Variants in FAM163A observed in about 807,000 individuals in gnomAD.
FAM163A encodes the protein protein FAM163A.
A neutral mutation model predicts 12.0 loss-of-function variants in FAM163A; 7 were observed. That is an observed-to-expected ratio of 0.58 (90% CI 0.33 to 1.10). The LOEUF (loss-of-function observed/expected upper bound fraction) is 1.10. Among genes scored for constraint, FAM163A ranks in the 50% least tolerant of loss-of-function variants. The pLI, the probability that FAM163A is intolerant of heterozygous loss-of-function variation, is 0.03. For synonymous variants in FAM163A, 101 were observed against 91.0 expected, an observed-to-expected ratio of 1.11 and a Z score of -0.62; for missense variants, 202 against 218.6, an observed-to-expected ratio of 0.92 and a Z score of 0.48.
chr1:179,789,475 C>T (rs902706654), intron 1 of FAM163A, among the ~76,000 whole-genome samples: 1 of 152,256 alleles, frequency 6.6e-6, no homozygotes, highest in African/African-American at 2.4e-5. Flanking sequence ...AGCCACCGCC[C>T]CCGGCAGGGA....
intron 1 of FAM163A, among the ~76,000 whole-genome samples, chr1:179,765,668 G>A (rs1687387126): frequency 6.7e-6 from 1 of 149,420 alleles, no homozygotes; most frequent in Non-Finnish European, 1.5e-5. Flanking sequence ...AAGGAATTGA[G>A]CTTTGGGAAT....
chr1:179,760,401 G>A (rs551632617), intron 1 of FAM163A, among the ~76,000 whole-genome samples: 10 of 152,184 alleles, frequency 6.6e-5, no homozygotes, highest in Non-Finnish European at 1.3e-4. Flanking sequence ...GATTCTATAC[G>A]CATGAGGTGT....
intron 1 of FAM163A, among the ~76,000 whole-genome samples, chr1:179,749,124 G>A (rs140658490): frequency 2.3e-3 from 355 of 152,284 alleles, no homozygotes; most frequent in Admixed American, 3.5e-3. Flanking sequence ...ATGAGGATTC[G>A]AGTTCTGCCT....
At chr1:179,810,996 T>C (rs971079192) in intron 2 of FAM163A, among the ~76,000 whole-genome samples, 7 of 152,002 alleles carry the variant, frequency 4.6e-5, no homozygotes, top group African/African-American at 1.7e-4. Context: ...TGAGCCAAGA[T>C]TGTGCCACTG....
chr1:179,793,420 C>G (rs1691807991), intron 1 of FAM163A, among the ~76,000 whole-genome samples: 1 of 152,214 alleles, frequency 6.6e-6, no homozygotes, highest in Non-Finnish European at 1.5e-5. Context: ...CATCTATCTA[C>G]CTAGTGACAT....
intron 1 of FAM163A, among the ~76,000 whole-genome samples, chr1:179,752,358 A>T (rs1284562104): frequency 1.3e-5 from 2 of 152,108 alleles, no homozygotes; most frequent in Non-Finnish European, 2.9e-5. Flanking sequence ...AGAAGAAAAC[A>T]TAGGGGAAAG....
At chr1:179,813,338 T>G in intron 4 of FAM163A, 148 bp downstream of exon 4, 1 of 800,890 alleles carries the variant, frequency 1.2e-6, no homozygotes, top group South Asian at 1.7e-5. Flanking sequence ...AGGATGGGAG[T>G]TGGGGCTGGT....
At chr1:179,736,209 A>G in the FAM163A span, among the ~76,000 whole-genome samples, 47,252 of 152,032 alleles carry the variant, frequency 0.31, 7,549 homozygotes, top group South Asian at 0.42. Flanking sequence ...AAGCTTCTAC[A>G]CAGCGAAGAA....
intron 4 of FAM163A, 81 bp downstream of exon 4, chr1:179,813,271 C>A: frequency 1.5e-6 from 2 of 1,330,998 alleles, no homozygotes; most frequent in Non-Finnish European, 2.1e-6. Context: ...AAACTGGAGG[C>A]CGACTTCAGG....
At chr1:179,755,589 A>G (rs1403147521) in intron 1 of FAM163A, among the ~76,000 whole-genome samples, 2 of 152,212 alleles carry the variant, frequency 1.3e-5, no homozygotes, top group Non-Finnish European at 2.9e-5. Context: ...CACAGGCCTC[A>G]AAGGAATGAG....
At chr1:179,763,533 A>G (rs1418399001) in intron 1 of FAM163A, among the ~76,000 whole-genome samples, 2 of 152,230 alleles carry the variant, frequency 1.3e-5, no homozygotes, top group African/African-American at 2.4e-5. Flanking sequence ...CTTCTGAAAA[A>G]TGAAGGCAGC....
At chr1:179,731,024 A>C in the FAM163A span, among the ~76,000 whole-genome samples, 1 of 152,206 alleles carries the variant, frequency 6.6e-6, no homozygotes, top group Non-Finnish European at 1.5e-5. Flanking sequence ...TTTTTTATTT[A>C]ATAATTTGTA....
intron 1 of FAM163A, among the ~76,000 whole-genome samples, chr1:179,771,986 T>C (rs1688351762): frequency 6.6e-6 from 1 of 152,280 alleles, no homozygotes; most frequent in South Asian, 2.1e-4. Flanking sequence ...TTCTGTTCTC[T>C]GGCCACACCA....
intron 1 of FAM163A, among the ~76,000 whole-genome samples, chr1:179,745,731 A>AT (rs1293430810): frequency 6.6e-6 from 1 of 152,070 alleles, no homozygotes; most frequent in Non-Finnish European, 1.5e-5. Context: ...TTATTTCCCC[A>AT]TTTTTCGTGT....
At chr1:179,735,595 C>G in the FAM163A span, among the ~76,000 whole-genome samples, 1 of 145,782 alleles carries the variant, frequency 6.9e-6, no homozygotes, top group African/African-American at 2.5e-5. Context: ...GCTCTGCCTC[C>G]CGGGTTCACG....
intron 1 of FAM163A, among the ~76,000 whole-genome samples, chr1:179,800,151 G>C (rs1045078428): frequency 6.6e-6 from 1 of 152,220 alleles, no homozygotes; most frequent in African/African-American, 2.4e-5. Flanking sequence ...GTGCTGTGGG[G>C]CTTTAGACCA....
the FAM163A span, among the ~76,000 whole-genome samples, chr1:179,727,926 C>G: frequency 6.6e-6 from 1 of 151,128 alleles, no homozygotes; most frequent in African/African-American, 2.5e-5. Context: ...GATTTGCCAA[C>G]ATAAGAAAGT....
At chr1:179,782,559 C>T (rs534355380) in intron 1 of FAM163A, among the ~76,000 whole-genome samples, 1 of 152,212 alleles carries the variant, frequency 6.6e-6, no homozygotes, top group East Asian at 1.9e-4. Context: ...TTCTCAGAGG[C>T]CGTTGGCCAG....
At chr1:179,789,755 A>C (rs1428526437) in intron 1 of FAM163A, among the ~76,000 whole-genome samples, 1 of 152,216 alleles carries the variant, frequency 6.6e-6, no homozygotes, top group Non-Finnish European at 1.5e-5. Flanking sequence ...ATGAGAACAC[A>C]GGCACTCAAA....
Sources: gnomAD v4.1 joint callset for allele counts (sites outside exome capture counted in the v4.1 genomes callset) on GRCh38, gnomAD v4.1.1 for gene constraint, MANE v1.5 for transcripts, NCBI Gene and HGNC (gene_info 2026-07-23, HGNC 2026-07-21) for gene names.